IFI16: variants seen among roughly 807,000 people sequenced by gnomAD.
The protein encoded by IFI16 is gamma-interferon-inducible protein 16.
Under a neutral mutation model 68.4 loss-of-function variants are expected in IFI16, and 49 were observed. The ratio of observed to expected loss-of-function variants is 0.72; its 90% CI spans 0.57 to 0.91. The LOEUF is 0.91. Among genes scored for constraint, IFI16 ranks in the 40% least tolerant of loss-of-function variants. IFI16 has a pLI of 0.00. For missense variants in IFI16, 878 were observed against 942.9 expected (o/e 0.93, Z 0.90); for synonymous variants, 307 against 315.0 (o/e 0.97, Z 0.27).
At chr1:159,033,772 C>A (rs768684886) in intron 7 of IFI16, among the ~76,000 whole-genome samples, 33 of 152,290 alleles carry the variant, frequency 2.2e-4, no homozygotes, top group Non-Finnish European at 3.8e-4. Context: ...ACATAGCCCA[C>A]GCTTTGCAAA....
chr1:159,050,041 A>G (rs1655247772), intron 9 of IFI16, among the ~76,000 whole-genome samples: 1 of 152,216 alleles, frequency 6.6e-6, no homozygotes, highest in Non-Finnish European at 1.5e-5. Context: ...TCTCTATCTA[A>G]TGCCACATTT....
intron 9 of IFI16, 123 bp downstream of exon 9, chr1:159,049,722 T>A: frequency 2.0e-6 from 2 of 1,000,308 alleles, no homozygotes; most frequent in Non-Finnish European, 3.0e-6. Context: ...ACCAAATCAG[T>A]CATTTATTTA....
intron 5 of IFI16, 70 bp from the exon 6 acceptor site, chr1:159,020,270 AG>A: frequency 9.1e-7 from 1 of 1,102,724 alleles, no homozygotes; most frequent in Non-Finnish European, 1.4e-6. Context: ...CTCTCTTAGA[AG>A]GGACTTCAGC....
rs1652839310 is a variant in IFI16 at position 159,015,091 on chromosome 1, C to T, written c.265+146C>T. The T allele has an allele frequency of 4.0e-6, 3 of 747,002 alleles. No individual in the cohort carries two copies. In the South Asian group the frequency reaches 5.6e-5, roughly 14 times the overall value. The allele number at this position is 747,002 out of a possible 1,614,324, so 46.3% of individuals were successfully genotyped here. Reference sequence around the variant, plus strand: ...TGAGACAATGTTGGTACTTCAGAGGCCAACAAGTTGACAACTTAGTGCATT... The same window carrying T: ...TGAGACAATGTTGGTACTTCAGAGGTCAACAAGTTGACAACTTAGTGCATT... On this transcript the variant is annotated intron_variant, in intron 2 of 11. Coordinates refer to ENST00000295809, the MANE Select transcript of IFI16 (RefSeq NM_001376587.1).
upstream of IFI16, among the ~76,000 whole-genome samples, chr1:159,001,762 GAC>G (rs2101769451): frequency 6.6e-6 from 1 of 152,222 alleles, no homozygotes; most frequent in African/African-American, 2.4e-5. Context: ...AGAAAATTAA[GAC>G]ACCTTTTATC....
intron 6 of IFI16, among the ~76,000 whole-genome samples, chr1:159,032,178 G>T (rs975953955): frequency 5.9e-5 from 9 of 152,192 alleles, no homozygotes; most frequent in African/African-American, 1.2e-4. Context: ...AGTGAGTTCT[G>T]TATAAATTGG....
chr1:159,033,806 G>A (rs1199338786), intron 7 of IFI16, among the ~76,000 whole-genome samples: 2 of 152,196 alleles, frequency 1.3e-5, no homozygotes, highest in African/African-American at 2.4e-5. Context: ...AATGTGGCCA[G>A]TGGTGATCAG....
chr1:159,042,549 T>A (rs1654721818), intron 7 of IFI16, among the ~76,000 whole-genome samples: 1 of 152,162 alleles, frequency 6.6e-6, no homozygotes, highest in South Asian at 2.1e-4. Context: ...CCATCTCAGT[T>A]CTGTCCCCAG....
Position 159,052,081 on chromosome 1 carries a change from G to T in IFI16, c.2068G>T (p.Val690Leu), listed in dbSNP as rs371196311. The stretch of plus-strand genomic sequence containing the variant: ...AACTAAAGGAAGTTTTGTGAATGGG[G>T]TGTTTGAGGTACATAAGGTAAGCCC... Reference protein sequence around the residue: ...SQTKGSFVNGVFEVHKKNVRG... With the variant: ...SQTKGSFVNGLFEVHKKNVRG... Residue 690 changes from valine (V) to leucine (L), a missense_variant, in exon 10 of 12, where the codon GTG becomes TTG. Transcript: ENST00000295809. The T allele has an allele frequency of 8.1e-6, 13 of 1,611,442 alleles. No homozygotes were observed. Among genetic ancestry groups the T allele is most frequent in the South Asian group, 1.1e-5 (1 of 91,060 alleles).
In IFI16 at chr1:159,040,754, A is replaced by G. The variant is rs531838113; in HGVS notation, c.1330-4543A>G. Among the ~76,000 whole-genome samples, 6 of 152,336 alleles carry G rather than the reference A, an allele frequency of 3.9e-5. No homozygotes were observed. In the South Asian group the frequency reaches 1.0e-3, roughly 26 times the overall value. On this transcript the variant is annotated intron_variant, in intron 7 of 11. Coordinates refer to ENST00000295809, the MANE Select transcript of IFI16 (RefSeq NM_001376587.1). Reference sequence around the variant, plus strand: ...TATTTTTGCTTGTTGGGCATTTACTAGGGTCTAGGCTCTAAACTTATTAGC... The same window carrying G: ...TATTTTTGCTTGTTGGGCATTTACTGGGGTCTAGGCTCTAAACTTATTAGC...
At chr1:159,029,047 C>A (rs1234045444) in intron 6 of IFI16, among the ~76,000 whole-genome samples, 1 of 152,088 alleles carries the variant, frequency 6.6e-6, no homozygotes, top group Non-Finnish European at 1.5e-5. Context: ...TGCCTAAATA[C>A]CTTACTTTTT....
At chr1:159,017,223 C>T (rs997540690) in intron 4 of IFI16, among the ~76,000 whole-genome samples, 5 of 152,200 alleles carry the variant, frequency 3.3e-5, no homozygotes, top group African/African-American at 4.8e-5. Flanking sequence ...TGCTAGAGCC[C>T]TGACACTGAG....
At chr1:159,023,977 C>T (rs1653495011) in intron 6 of IFI16, among the ~76,000 whole-genome samples, 1 of 152,198 alleles carries the variant, frequency 6.6e-6, no homozygotes, top group Admixed American at 6.5e-5. Context: ...ATGGATTATC[C>T]TAAACTGTGG....
chr1:159,049,936 A>AT (rs1376517658), intron 9 of IFI16, among the ~76,000 whole-genome samples: 3 of 152,186 alleles, frequency 2.0e-5, no homozygotes, highest in Admixed American at 6.5e-5. Flanking sequence ...ACTATCACTG[A>AT]TTTTTCCCCT....
In IFI16 at chr1:159,020,388, A is replaced by C; in HGVS notation, c.1020A>C (p.Arg340Ser). Residue 340 changes from arginine to serine, a missense_variant, in exon 6 of 12, where the codon AGA (arginine) becomes AGC (serine). Transcript: ENST00000295809. ...CAATCTACGAAATTCAGGATGATAG[A>C]GGAAAAATGGATGTAGTGGGGACAG... ...KTTIYEIQDD[R>S]GKMDVVGTGQ... 2 of 1,612,662 alleles carry C rather than the reference A, an allele frequency of 1.2e-6. No homozygotes were observed. The highest frequency in any genetic ancestry group is 1.7e-6 in the Non-Finnish European group (2 of 1,179,256).
intron 7 of IFI16, among the ~76,000 whole-genome samples, chr1:159,033,393 A>G (rs970332300): frequency 8.5e-5 from 13 of 152,240 alleles, no homozygotes; most frequent in African/African-American, 3.1e-4. Flanking sequence ...AGCTCAGGTT[A>G]TATCTGTAGA....
chr1:159,021,537 T>C (rs1305048939), intron 6 of IFI16, among the ~76,000 whole-genome samples: 2 of 152,244 alleles, frequency 1.3e-5, no homozygotes, highest in Non-Finnish European at 2.9e-5. Flanking sequence ...ATTTTTGCAG[T>C]TGTGAATTGT....
At chr1:159,041,335 T>C (rs1055355282) in intron 7 of IFI16, among the ~76,000 whole-genome samples, 2 of 152,218 alleles carry the variant, frequency 1.3e-5, no homozygotes, top group Non-Finnish European at 2.9e-5. Flanking sequence ...GTGATTACGA[T>C]TGAGAATCTT....
chr1:159,007,214 GA>G (rs1407995113), upstream of IFI16, among the ~76,000 whole-genome samples: 1 of 152,148 alleles, frequency 6.6e-6, no homozygotes, highest in Non-Finnish European at 1.5e-5. Flanking sequence ...TTCCAAAAAA[GA>G]AAATAATTCG....
Sources: allele counts gnomAD v4.1 joint callset (sites outside exome capture counted in the v4.1 genomes callset), GRCh38; gene constraint gnomAD v4.1.1; transcripts MANE v1.5; gene names NCBI Gene and HGNC (gene_info 2026-07-23, HGNC 2026-07-21).